The following COP1 variants were observed in gnomAD, a reference collection of about 807,000 sequenced individuals.
COP1 encodes the protein COP1 E3 ubiquitin ligase, also known as E3 ubiquitin-protein ligase COP1.
Under a neutral mutation model 101.3 loss-of-function variants are expected in COP1, and 24 were observed. That is an observed-to-expected ratio of 0.24 (90% CI 0.17 to 0.33). The LOEUF is 0.33. Among genes scored for constraint, COP1 ranks in the 10% least tolerant of loss-of-function variants. COP1 has a pLI of 1.00. For missense variants in COP1, 663 were observed against 906.2 expected (o/e 0.73, Z 3.45); for synonymous variants, 347 against 341.9 (o/e 1.01, Z -0.17).
At chr1:176,187,210 G>A (rs1457397660) in intron 1 of COP1, among the ~76,000 whole-genome samples, 1 of 151,900 alleles carries the variant, frequency 6.6e-6, no homozygotes, top group Non-Finnish European at 1.5e-5. Context: ...CTGCAACTTC[G>A]ACCTCTTGGG....
chr1:176,206,696 G>C lies in COP1; in HGVS notation c.283C>G (p.Pro95Ala), dbSNP rs1700897913. ...CTGCTGCCTCCTACGCCGGCGCTGG[G>C]CCTGGCCGCGCAGCTGTGCCGGGAC... ...GLSRHSCAAR[P>A]SAGVGGSSSS... Residue 95 changes from proline to alanine, a missense_variant, in exon 1 of 20, where the codon CCC (proline) becomes GCC (alanine). Transcript: ENST00000367669. 2 of 1,603,952 alleles carry C rather than the reference G, an allele frequency of 1.2e-6. No individual in the cohort carries two copies. Among genetic ancestry groups the C allele is most frequent in the Non-Finnish European group, 1.7e-6 (2 of 1,179,040 alleles).
intron 1 of COP1, among the ~76,000 whole-genome samples, chr1:176,189,888 T>C (rs998940267): frequency 3.3e-5 from 5 of 151,986 alleles, no homozygotes; most frequent in Admixed American, 3.3e-4. Context: ...AAATTCTCAA[T>C]TAGAAAACTT....
At chr1:175,946,598 T>C (rs1408136848) in intron 19 of COP1, among the ~76,000 whole-genome samples, 1 of 152,216 alleles carries the variant, frequency 6.6e-6, no homozygotes, top group Non-Finnish European at 1.5e-5. Context: ...ATCCAATGTA[T>C]CATGTACAAG....
intron 9 of COP1, among the ~76,000 whole-genome samples, chr1:176,100,085 G>GT (rs1203704982): frequency 6.6e-6 from 1 of 152,138 alleles, no homozygotes; most frequent in East Asian, 1.9e-4. Context: ...ATCATGATTT[G>GT]TTTTTTAACA....
chr1:175,959,337 C>T lies in COP1; in HGVS notation c.2134-12098G>A, dbSNP rs189996413. Among the ~76,000 whole-genome samples the T allele has an allele frequency of 2.2e-4, 34 of 152,170 alleles. 1 individual carries two copies. The highest frequency in any genetic ancestry group is 1.7e-3 in the Admixed American group (26 of 15,286). On this transcript the variant is annotated intron_variant, in intron 18 of 19. Transcript: ENST00000367669. ...AGGGTATGTATCTACAAAACTCTTA[C>T]AGCAGACATACTTAATGATAACATC...
At chr1:176,180,995 C>T (rs576554143) in intron 2 of COP1, among the ~76,000 whole-genome samples, 13 of 152,222 alleles carry the variant, frequency 8.5e-5, no homozygotes, top group South Asian at 6.2e-4. Context: ...GGTAGACATA[C>T]GGTACAGGGC....
intron 14 of COP1, among the ~76,000 whole-genome samples, chr1:176,030,975 C>T (rs1400187104): frequency 6.6e-6 from 1 of 151,874 alleles, no homozygotes; most frequent in Non-Finnish European, 1.5e-5. Context: ...AGAAGAAGGC[C>T]ATGTGTGAAG....
At chr1:176,058,856 C>T (rs1674338740) in intron 11 of COP1, among the ~76,000 whole-genome samples, 1 of 152,136 alleles carries the variant, frequency 6.6e-6, no homozygotes, top group Non-Finnish European at 1.5e-5. Flanking sequence ...TCCTCAGATC[C>T]CATATGTGAG....
chr1:176,000,631 AT>A (rs869183559), intron 15 of COP1, among the ~76,000 whole-genome samples: 2 of 152,162 alleles, frequency 1.3e-5, no homozygotes, highest in Non-Finnish European at 2.9e-5. Context: ...CAATGTAAAT[AT>A]TTTTAAAAAA....
At chr1:176,047,409 C>A (rs1476556534) in intron 11 of COP1, among the ~76,000 whole-genome samples, 6 of 152,166 alleles carry the variant, frequency 3.9e-5, no homozygotes. Flanking sequence ...GTTAGTCAAT[C>A]TGTAAGTGGC....
intron 3 of COP1, among the ~76,000 whole-genome samples, chr1:176,166,292 A>C (rs1167030665): frequency 6.6e-6 from 1 of 151,948 alleles, no homozygotes; most frequent in Non-Finnish European, 1.5e-5. Flanking sequence ...CCACCCAGCA[A>C]ATTTTTGAAT....
At chr1:175,997,074 C>G (rs150147152) in intron 15 of COP1, among the ~76,000 whole-genome samples, 139,531 of 151,432 alleles carry the variant, frequency 0.92, 65,063 homozygotes, top group East Asian at 1. Context: ...GAACAGAACA[C>G]AGTCCTCAGA....
At position 176,072,225 on chromosome 1, in the gene COP1, T is replaced by C. The variant is rs145412168; in HGVS notation, c.1277+8927A>G. On this transcript the variant is annotated intron_variant, in intron 11 of 19. Transcript: ENST00000367669. ...TAAGGATTATTTCTTCAAAGGAATA[T>C]TTTTCAACAAGCAAATATGTGGACA... Among the ~76,000 whole-genome samples, 400 of 152,330 alleles carry C rather than the reference T, an allele frequency of 2.6e-3. 3 individuals are homozygous for C. The highest frequency in any genetic ancestry group is 9.2e-3 in the African/African-American group (382 of 41,572).
Position 176,081,252 on chromosome 1 carries a change from G to T in COP1, c.1177C>A (p.Gln393Lys), listed in dbSNP as rs771517494. ...CGAGTAAACTTGGACAAGCATTCCT[G>T]AAATTCATCCAACTGGCTTGCAGTT... ...SRTASQLDEF[Q>K]ECLSKFTRYN... Residue 393 changes from glutamine to lysine, a missense_variant, in exon 11 of 20, where the codon CAG (glutamine) becomes AAG (lysine). By Grantham distance (53) the Gln-to-Lys change is moderately conservative. Around this residue, in one of 4 missense-constraint regions of COP1, gnomAD observed 212 missense variants for 240.7 expected, o/e 0.88. Transcript: ENST00000367669. 6.3e-7 allele frequency: 1 copy of T among 1,589,628 alleles called. No homozygotes were observed. Among genetic ancestry groups the T allele is most frequent in the Non-Finnish European group, 8.6e-7 (1 of 1,167,138 alleles).
At chr1:176,137,990 G>C (rs1690074041) in intron 6 of COP1, among the ~76,000 whole-genome samples, 1 of 152,058 alleles carries the variant, frequency 6.6e-6, no homozygotes. Flanking sequence ...TATGATGATG[G>C]TATACAACGT....
chr1:176,008,367 C>A (rs7414774), intron 15 of COP1, among the ~76,000 whole-genome samples: 2,726 of 152,302 alleles, frequency 0.018, 76 homozygotes, highest in African/African-American at 0.062. Flanking sequence ...TTTGCTCCTC[C>A]TGATTCTTTC....
intron 9 of COP1, among the ~76,000 whole-genome samples, chr1:176,108,221 T>C (rs1684665359): frequency 6.6e-6 from 1 of 152,174 alleles, no homozygotes; most frequent in Non-Finnish European, 1.5e-5. Context: ...GAAATATAAC[T>C]CTATAAAGTT....
chr1:175,952,394 C>A (rs1650056894), intron 18 of COP1, among the ~76,000 whole-genome samples: 1 of 144,712 alleles, frequency 6.9e-6, no homozygotes, highest in Non-Finnish European at 1.5e-5. Flanking sequence ...TGCACTCCAT[C>A]CTGGGCGACA....
chr1:176,188,248 A>T (rs1018438022), intron 1 of COP1, among the ~76,000 whole-genome samples: 3 of 152,148 alleles, frequency 2.0e-5, no homozygotes, highest in African/African-American at 7.2e-5. Flanking sequence ...CAAAAACTTT[A>T]AAGAATTCCT....
Sources: allele counts gnomAD v4.1 joint callset (sites outside exome capture counted in the v4.1 genomes callset), GRCh38; gene constraint gnomAD v4.1.1; regional missense constraint gnomAD v4.1.1; transcripts MANE v1.5; gene names NCBI Gene and HGNC (gene_info 2026-07-23, HGNC 2026-07-21).